The following DAB1 variants were observed in gnomAD, a reference collection of about 807,000 sequenced individuals.
DAB1 encodes the protein DAB adaptor protein 1.
In DAB1, 15 loss-of-function variants were observed where a neutral mutation model predicts 64.6. The observed-to-expected ratio is 0.23, with a 90% confidence interval of 0.16 to 0.36. DAB1 has a LOEUF of 0.36. DAB1 is among the 10% of genes least tolerant of loss of function. The probability of loss-of-function intolerance (pLI) is 1.00; values close to 1 mark genes in which losing one functional copy is unlikely to be tolerated. For missense variants in DAB1, 596 were observed against 706.7 expected (o/e 0.84, Z 1.78); for synonymous variants, 235 against 251.9 (o/e 0.93, Z 0.64).
At chr1:57,798,349 C>T (rs1569719365) in intron 6 of DAB1, among the ~76,000 whole-genome samples, 1 of 152,188 alleles carries the variant, frequency 6.6e-6, no homozygotes, top group South Asian at 2.1e-4. Context: ...GGTCTATGGA[C>T]AACTTTACAC....
At chr1:58,219,819 T>G (rs1217288115) in intron 4 of DAB1, among the ~76,000 whole-genome samples, 1 of 152,248 alleles carries the variant, frequency 6.6e-6, no homozygotes, top group Admixed American at 6.5e-5. Flanking sequence ...ATTGATTAGC[T>G]GTGCAATCAG....
chr1:57,451,213 T>G (rs1686343582), intron 7 of DAB1, among the ~76,000 whole-genome samples: 1 of 152,130 alleles, frequency 6.6e-6, no homozygotes, highest in Non-Finnish European at 1.5e-5. Flanking sequence ...CTGCTTGCCC[T>G]CTTGTCTTTA....
At chr1:57,146,917 C>A (rs1368112144) in intron 2 of DAB1, among the ~76,000 whole-genome samples, 3 of 151,986 alleles carry the variant, frequency 2.0e-5, no homozygotes, top group Non-Finnish European at 4.4e-5. Flanking sequence ...TGTTGGATGA[C>A]AATAAAGTAT....
intron 5 of DAB1, among the ~76,000 whole-genome samples, chr1:58,110,151 T>G (rs949974169): frequency 2.0e-5 from 3 of 152,242 alleles, no homozygotes; most frequent in African/African-American, 7.2e-5. Flanking sequence ...TCAGGGAGAA[T>G]TGTGGCTTTA....
intron 5 of DAB1, among the ~76,000 whole-genome samples, chr1:57,939,166 T>A (rs1160599295): frequency 6.6e-6 from 1 of 152,052 alleles, no homozygotes; most frequent in Non-Finnish European, 1.5e-5. Flanking sequence ...GACCTTCTTC[T>A]CTCATATTCT....
intron 5 of DAB1, among the ~76,000 whole-genome samples, chr1:57,941,368 A>G (rs1344135270): frequency 6.6e-6 from 1 of 152,204 alleles, no homozygotes; most frequent in Non-Finnish European, 1.5e-5. Flanking sequence ...TTTTGTAGGG[A>G]ATATTTTATC....
intron 1 of DAB1, among the ~76,000 whole-genome samples, chr1:57,302,833 G>A (rs1202768724): frequency 6.6e-6 from 1 of 152,136 alleles, no homozygotes; most frequent in East Asian, 1.9e-4. Flanking sequence ...GGCAAACACA[G>A]GAATAAAGGT....
chr1:57,500,483 A>G lies in DAB1; in HGVS notation n.625+149109T>C, dbSNP rs148039356. 3.0e-3 allele frequency among the ~76,000 whole-genome samples: 450 copies of G among 152,362 alleles called. 2 individuals carry two copies. The highest frequency in any genetic ancestry group is 0.026 in the South Asian group (126 of 4,834). Reference sequence around the variant, plus strand: ...CAAGATTGAAGAATTCAATTACAGGAAAAAGAGGTCTTTTTTAAATACCGT... The same window carrying G: ...CAAGATTGAAGAATTCAATTACAGGGAAAAGAGGTCTTTTTTAAATACCGT... On this transcript the variant is annotated intron_variant and non_coding_transcript_variant, in intron 7 of 20. Transcript: ENST00000485760.
intron 3 of DAB1, among the ~76,000 whole-genome samples, chr1:58,427,322 T>C (rs535168294): frequency 2.0e-5 from 3 of 152,260 alleles, no homozygotes; most frequent in East Asian, 3.9e-4. Context: ...TACTAAGGAC[T>C]TTTATTTTTT....
chr1:58,288,019 CAAAAAAAAAAA>C (rs763850453), intron 4 of DAB1, among the ~76,000 whole-genome samples: 6 of 21,982 alleles, frequency 2.7e-4, no homozygotes, highest in African/African-American at 6.2e-4. Flanking sequence ...AAGACTGCCT[CAAAAAAAAAAA>C]AAAAAAAAAA....
At chr1:57,413,743 C>CAAAA (rs58388088) in intron 1 of DAB1, among the ~76,000 whole-genome samples, 1,208 of 64,474 alleles carry the variant, frequency 0.019, 44 homozygotes, top group African/African-American at 0.058. Flanking sequence ...GACTCTGTCT[C>CAAAA]AAAAAAAAAA....
intron 4 of DAB1, among the ~76,000 whole-genome samples, chr1:57,085,930 G>A (rs1653029968): frequency 6.6e-6 from 1 of 152,228 alleles, no homozygotes; most frequent in Non-Finnish European, 1.5e-5. Flanking sequence ...AAATTAGTGA[G>A]TGTGGGAGCG....
intron 7 of DAB1, among the ~76,000 whole-genome samples, chr1:57,446,166 G>A (rs1171811766): frequency 6.6e-6 from 1 of 152,020 alleles, no homozygotes; most frequent in African/African-American, 2.4e-5. Flanking sequence ...ATAAAACTCA[G>A]GTTCTTTTTT....
chr1:58,373,350 G>A (rs1644288125), intron 3 of DAB1, among the ~76,000 whole-genome samples: 1 of 125,408 alleles, frequency 8.0e-6, no homozygotes, highest in East Asian at 2.3e-4. Context: ...AGTCCCCAGA[G>A]TGTGATATTC....
chr1:57,424,687 C>T (rs1685199302), upstream of DAB1, among the ~76,000 whole-genome samples: 1 of 152,214 alleles, frequency 6.6e-6, no homozygotes, highest in Non-Finnish European at 1.5e-5. Flanking sequence ...GTTGCCCCCA[C>T]GCCCCTTGGC....
chr1:57,710,814 AGTT>A, intron 6 of DAB1, among the ~76,000 whole-genome samples: 1 of 152,280 alleles, frequency 6.6e-6, no homozygotes. Context: ...TGGAAGACAA[AGTT>A]GTTACTCAAC....
At chr1:57,767,688 A>G (rs1649376732) in intron 6 of DAB1, among the ~76,000 whole-genome samples, 1 of 152,196 alleles carries the variant, frequency 6.6e-6, no homozygotes, top group African/African-American at 2.4e-5. Flanking sequence ...TGAAAGAACC[A>G]AATTAACAAA....
intron 1 of DAB1, among the ~76,000 whole-genome samples, chr1:57,862,092 T>TG (rs1182957067): frequency 6.6e-6 from 1 of 152,186 alleles, no homozygotes; most frequent in Non-Finnish European, 1.5e-5. Flanking sequence ...TTCTACCCTT[T>TG]GGTCTCACTT....
intron 3 of DAB1, among the ~76,000 whole-genome samples, chr1:58,407,642 T>A (rs1390542167): frequency 6.6e-6 from 1 of 152,138 alleles, no homozygotes; most frequent in Non-Finnish European, 1.5e-5. Flanking sequence ...TCAATAGTGC[T>A]GAGGTTGAGA....
Sources: allele counts gnomAD v4.1 joint callset (sites outside exome capture counted in the v4.1 genomes callset), GRCh38; gene constraint gnomAD v4.1.1; transcripts MANE v1.5; gene names NCBI Gene and HGNC (gene_info 2026-07-23, HGNC 2026-07-21).